The following PRKD1 variants were observed in gnomAD, a reference collection of about 807,000 sequenced individuals.
PRKD1 encodes the protein protein kinase D1, also known as serine/threonine-protein kinase D1.
Under a neutral mutation model 95.9 loss-of-function variants are expected in PRKD1, and 63 were observed. The observed-to-expected ratio is 0.66, with a 90% CI of 0.54 to 0.81. The LOEUF is 0.81. Among genes scored for constraint, PRKD1 ranks in the 30% least tolerant of loss-of-function variants. The pLI is 0.00. For missense variants in PRKD1, 1,048 were observed against 1,165.3 expected, an observed-to-expected ratio of 0.90 and a Z score of 1.47; for synonymous variants, 425 against 423.1, an observed-to-expected ratio of 1.00 and a Z score of -0.05.
chr14:29,898,615 T>G (rs1031345001), intron 1 of PRKD1, among the ~76,000 whole-genome samples: 1 of 152,204 alleles, frequency 6.6e-6, no homozygotes, highest in Non-Finnish European at 1.5e-5. Context: ...TCAGGTAATT[T>G]TTATTGTCTT....
At chr14:29,880,234 C>T (rs1893452606) in intron 1 of PRKD1, among the ~76,000 whole-genome samples, 1 of 152,164 alleles carries the variant, frequency 6.6e-6, no homozygotes, top group South Asian at 2.1e-4. Context: ...GGCCCAGGGT[C>T]CCCTTGCTGA....
chr14:29,770,398 C>T (rs1349541487), intron 1 of PRKD1, among the ~76,000 whole-genome samples: 1 of 152,142 alleles, frequency 6.6e-6, no homozygotes, highest in Non-Finnish European at 1.5e-5. Flanking sequence ...AAAAGTGATT[C>T]TGGTGAGGGC....
intron 1 of PRKD1, among the ~76,000 whole-genome samples, chr14:29,793,782 T>G (rs1889678725): frequency 6.6e-6 from 1 of 152,126 alleles, no homozygotes; most frequent in Non-Finnish European, 1.5e-5. Context: ...ATACACAATT[T>G]GTTAATTAGA....
intron 1 of PRKD1, among the ~76,000 whole-genome samples, chr14:29,910,771 T>C (rs939245607): frequency 1.3e-5 from 2 of 152,176 alleles, no homozygotes; most frequent in Non-Finnish European, 2.9e-5. Flanking sequence ...CTTGAAGTGA[T>C]AGAATCACTG....
At chr14:29,800,183 C>T (rs898624055) in intron 1 of PRKD1, among the ~76,000 whole-genome samples, 2 of 152,122 alleles carry the variant, frequency 1.3e-5, no homozygotes, top group African/African-American at 4.8e-5. Context: ...AGGAACTAAC[C>T]CACCCTGTAT....
intron 1 of PRKD1, among the ~76,000 whole-genome samples, chr14:29,906,933 T>G (rs148131537): frequency 1.3e-5 from 2 of 152,360 alleles, no homozygotes; most frequent in African/African-American, 4.8e-5. Context: ...ATTTTGTTTG[T>G]CAGGCTTTTT....
chr14:29,700,979 C>T (rs1418567214), intron 2 of PRKD1, among the ~76,000 whole-genome samples: 2 of 50,116 alleles, frequency 4.0e-5, no homozygotes, highest in East Asian at 1.2e-3. Context: ...TGCGCATGCG[C>T]GCGCGCGCGC....
chr14:29,868,802 C>G (rs1427942177), intron 1 of PRKD1, among the ~76,000 whole-genome samples: 2 of 152,092 alleles, frequency 1.3e-5, no homozygotes, highest in African/African-American at 4.8e-5. Flanking sequence ...ACACTAGGCA[C>G]AGTAATATCA....
intron 4 of PRKD1, among the ~76,000 whole-genome samples, chr14:29,641,982 C>A (rs1313719705): frequency 6.8e-6 from 1 of 148,126 alleles, no homozygotes; most frequent in Non-Finnish European, 1.5e-5. Flanking sequence ...CGGCTCACTG[C>A]AGCCGCTGCC....
intron 1 of PRKD1, among the ~76,000 whole-genome samples, chr14:29,800,214 C>T (rs1028338203): frequency 2.0e-5 from 3 of 152,136 alleles, no homozygotes; most frequent in Non-Finnish European, 4.4e-5. Context: ...AGAAATGGTT[C>T]AGTATTTGCT....
At chr14:29,887,613 A>G (rs1893767654) in intron 1 of PRKD1, among the ~76,000 whole-genome samples, 1 of 152,252 alleles carries the variant, frequency 6.6e-6, no homozygotes, top group African/African-American at 2.4e-5. Flanking sequence ...ATGAGTATAT[A>G]GTCATGCACC....
intron 1 of PRKD1, among the ~76,000 whole-genome samples, chr14:29,923,271 T>C (rs146009986): frequency 5.2e-4 from 78 of 150,556 alleles, no homozygotes; most frequent in Middle Eastern, 3.5e-3. Flanking sequence ...ACAAATTCTA[T>C]ACTTCATCAT....
intron 13 of PRKD1, among the ~76,000 whole-genome samples, chr14:29,603,048 C>T (rs1396893663): frequency 2.6e-5 from 4 of 152,094 alleles, no homozygotes; most frequent in African/African-American, 9.7e-5. Flanking sequence ...GTTAGATATA[C>T]AAATTTTTAA....
At chr14:29,580,356 C>T (rs1344896783) in intron 16 of PRKD1, among the ~76,000 whole-genome samples, 3 of 152,068 alleles carry the variant, frequency 2.0e-5, no homozygotes, top group African/African-American at 7.2e-5. Flanking sequence ...AGTACCCAAC[C>T]CAAGTGACCT....
intron 4 of PRKD1, among the ~76,000 whole-genome samples, chr14:29,652,397 A>G (rs767139290): frequency 1.7e-4 from 26 of 152,182 alleles, no homozygotes; most frequent in Non-Finnish European, 2.6e-4. Context: ...TTACAATCAC[A>G]TATCTGCAAG....
intron 13 of PRKD1, among the ~76,000 whole-genome samples, chr14:29,623,086 C>A (rs1375181670): frequency 1.3e-5 from 2 of 152,178 alleles, no homozygotes; most frequent in African/African-American, 4.8e-5. Flanking sequence ...GATACTAAGA[C>A]ATGAATCCAT....
intron 2 of PRKD1, among the ~76,000 whole-genome samples, chr14:29,700,975 TGC>T (rs750081427): frequency 2.2e-4 from 14 of 62,920 alleles, no homozygotes; most frequent in East Asian, 1.9e-3. Context: ...CGCGTGCGCA[TGC>T]GCGCGCGCGC....
chr14:29,834,281 A>G (rs771459061), intron 1 of PRKD1, among the ~76,000 whole-genome samples: 6 of 152,114 alleles, frequency 3.9e-5, no homozygotes, highest in Non-Finnish European at 8.8e-5. Flanking sequence ...ATATAGCTGT[A>G]CCATTGATCT....
chr14:29,845,728 A>G (rs1192466794), intron 1 of PRKD1, among the ~76,000 whole-genome samples: 1 of 152,252 alleles, frequency 6.6e-6, no homozygotes, highest in East Asian at 1.9e-4. Context: ...GTCTAAGAAT[A>G]CGTTAATGTT....
Sources: gnomAD v4.1 joint callset for allele counts (sites outside exome capture counted in the v4.1 genomes callset) on GRCh38, gnomAD v4.1.1 for gene constraint, MANE v1.5 for transcripts, NCBI Gene and HGNC (gene_info 2026-07-23, HGNC 2026-07-21) for gene names.